The following PHACTR2 variants were observed in gnomAD, a reference collection of about 807,000 sequenced individuals.
The protein encoded by PHACTR2 is chromosome 6 open reading frame 56.
Under a neutral mutation model 76.0 loss-of-function variants are expected in PHACTR2, and 30 were observed. The observed-to-expected ratio is 0.39, with a 90% CI of 0.30 to 0.54. PHACTR2 has a LOEUF of 0.54. Among genes scored for constraint, PHACTR2 ranks in the 20% least tolerant of loss-of-function variants. The probability of loss-of-function intolerance (pLI) is 0.61; values close to 1 mark genes in which losing one functional copy is unlikely to be tolerated. For synonymous variants in PHACTR2, 292 were observed against 292.5 expected (o/e 1.00, Z 0.02); for missense variants, 696 against 781.1 (o/e 0.89, Z 1.30).
rs1421788116 is a variant in PHACTR2 at position 143,547,516 on chromosome 6, C to T, written c.217+10309C>T. On this transcript the variant is annotated intron_variant, in intron 1 of 11. Transcript: ENST00000367584. The surrounding 1 kb of genome is among the most constrained non-coding windows in gnomAD (Gnocchi z 4.2). ...CAAGCAGATCAGTTGGAACTGTTAA[C>T]ACAGTGACTGTGAGATCTAGAAAGT... Among the ~76,000 whole-genome samples the T allele has an allele frequency of 6.6e-6, 1 of 152,158 alleles. No homozygotes were observed. Among genetic ancestry groups the T allele is most frequent in the East Asian group, 1.9e-4 (1 of 5,194 alleles).
At chr6:143,603,811 A>AT (rs1010560655), upstream of PHACTR2, among the ~76,000 whole-genome samples, 1 of 152,088 alleles carries the variant, frequency 6.6e-6, no homozygotes, top group African/African-American at 2.4e-5. Flanking sequence ...TTTAGAAGAG[A>AT]TTTTCAGCTG....
chr6:143,699,581 C>A (rs1241268791), intron 1 of PHACTR2, among the ~76,000 whole-genome samples: 1 of 152,218 alleles, frequency 6.6e-6, no homozygotes, highest in Non-Finnish European at 1.5e-5. Flanking sequence ...GCATTTCTGA[C>A]TGTCCGTTGG....
rs1459919650 is a variant in PHACTR2 at position 143,556,989 on chromosome 6, G to A, written c.217+19782G>A. On this transcript the variant is annotated intron_variant, in intron 1 of 11. Coordinates refer to the PHACTR2 transcript ENST00000367584. The surrounding 1 kb of genome is among the most constrained non-coding windows in gnomAD (Gnocchi z 4.3). ...AAACAAAAATGAGGCCAGAAAGAAAGGGCCTCCCTCCCTAACCCCAGCCTC... is the reference window on the plus strand; with the variant it reads ...AAACAAAAATGAGGCCAGAAAGAAAAGGCCTCCCTCCCTAACCCCAGCCTC... 6.6e-6 allele frequency among the ~76,000 whole-genome samples: 1 copy of A among 152,122 alleles called. No homozygotes were observed. The highest frequency in any genetic ancestry group is 6.5e-5 in the Admixed American group (1 of 15,274).
chr6:143,707,392 T>C (rs1778079100), intron 1 of PHACTR2, among the ~76,000 whole-genome samples: 1 of 152,234 alleles, frequency 6.6e-6, no homozygotes, highest in Non-Finnish European at 1.5e-5. Context: ...GTTGAGACCA[T>C]GTTTTTTGCC....
chr6:143,739,152 C>T lies in PHACTR2; in HGVS notation c.215-9833C>T, dbSNP rs1282888629. On this transcript the variant is annotated intron_variant, in intron 2 of 12. Coordinates refer to ENST00000440869, the MANE Select transcript of PHACTR2 (RefSeq NM_001100164.2). This position sits in a 1 kb window ranked among gnomAD's most constrained non-coding sequence, Gnocchi z 4.3. ...CGGTTTTGGCTCACTGCAAGCTCCG[C>T]CTCCCGGGTTCACTCCGTTCTCCTG... 6.6e-6 allele frequency among the ~76,000 whole-genome samples: 1 copy of T among 152,196 alleles called. No individual in the cohort carries two copies. The highest frequency in any genetic ancestry group is 1.5e-5 in the Non-Finnish European group (1 of 68,034).
rs1433891248 is a variant in PHACTR2, at chr6:143,801,614, G to A, written c.1846-5443G>A. On this transcript the variant is annotated intron_variant, in intron 11 of 12. Transcript: ENST00000440869. The surrounding 1 kb of genome is among the most constrained non-coding windows in gnomAD (Gnocchi z 4.6). ...GCCATTCATCTAACCTTTTTTCAACGTTTTTAGCTTCCTTGAAATGGATTA... is the reference window on the plus strand; with the variant it reads ...GCCATTCATCTAACCTTTTTTCAACATTTTTAGCTTCCTTGAAATGGATTA... Among the ~76,000 whole-genome samples, 2 of 152,000 alleles carry A rather than the reference G, an allele frequency of 1.3e-5. No individual in the cohort carries two copies. The highest frequency in any genetic ancestry group is 2.9e-5 in the Non-Finnish European group (2 of 67,970).
intron 2 of PHACTR2, among the ~76,000 whole-genome samples, chr6:143,747,020 CT>C (rs1280319774): frequency 6.6e-6 from 1 of 152,132 alleles, no homozygotes; most frequent in African/African-American, 2.4e-5. Flanking sequence ...CGTTGTCATT[CT>C]TTTGACCATT....
chr6:143,604,454 A>G (rs1215028322), upstream of PHACTR2, among the ~76,000 whole-genome samples: 8 of 152,164 alleles, frequency 5.3e-5, no homozygotes, highest in African/African-American at 1.9e-4. Flanking sequence ...CTTTTTCTCC[A>G]TAGAATCCAT....
rs1298295183 is a variant in PHACTR2, at chr6:143,730,852, A to T, written c.215-18133A>T. Among the ~76,000 whole-genome samples the T allele has an allele frequency of 6.6e-6, 1 of 152,098 alleles. No individual in the cohort carries two copies. Among genetic ancestry groups the T allele is most frequent in the Non-Finnish European group, 1.5e-5 (1 of 68,020 alleles). Reference sequence around the variant, plus strand: ...AACCTCCGCCTCTTGGGTTCAAGCGATTCTCCTGCTTCAGCCTCCTGAGTA... The same window carrying T: ...AACCTCCGCCTCTTGGGTTCAAGCGTTTCTCCTGCTTCAGCCTCCTGAGTA... On this transcript the variant is annotated intron_variant, in intron 2 of 12. Coordinates refer to ENST00000440869, the MANE Select transcript of PHACTR2 (RefSeq NM_001100164.2). The surrounding 1 kb of genome is among the most constrained non-coding windows in gnomAD (Gnocchi z 4.8).
intron 11 of PHACTR2, among the ~76,000 whole-genome samples, chr6:143,804,685 A>T (rs73778694): frequency 0.011 from 1,650 of 152,350 alleles, 26 homozygotes; most frequent in African/African-American, 0.037. Context: ...GTTGATGCTC[A>T]CAGAATGCTT....
Position 143,776,330 on chromosome 6 carries a change from G to T in PHACTR2, c.1590-998G>T, listed in dbSNP as rs9390135. On this transcript the variant is annotated intron_variant, in intron 8 of 12. Transcript: ENST00000440869. This position sits in a 1 kb window ranked among gnomAD's most constrained non-coding sequence, Gnocchi z 5.3. ...TTATACATGGTTGTATACCTAGAAA[G>T]CTCTAAAAACTGACCCAAAATTGCT... is the stretch of plus-strand genomic sequence containing the variant. Among the ~76,000 whole-genome samples the T allele has an allele frequency of 1.6e-4, 24 of 152,204 alleles. No homozygotes were observed. The East Asian group carries it at 4.0e-3, about 26-fold the overall frequency.
rs749584533 is a variant in PHACTR2, at chr6:143,678,137, G to C, written c.-27G>C. The C allele has an allele frequency of 6.5e-7, 1 of 1,545,796 alleles. No individual in the cohort carries two copies. The highest frequency in any genetic ancestry group is 1.2e-5 in the South Asian group (1 of 83,944). On this transcript the variant is annotated 5_prime_UTR_variant, in exon 1 of 13. Coordinates refer to ENST00000440869, the MANE Select transcript of PHACTR2 (RefSeq NM_001100164.2). The surrounding 1 kb of genome is among the most constrained non-coding windows in gnomAD (Gnocchi z 6.2). Reference sequence around the variant, plus strand: ...GAAGGACCAAAGGAGCCGCTTGATCGCTGGACCTGGCCCTGCGACCCCAGT... The same window carrying C: ...GAAGGACCAAAGGAGCCGCTTGATCCCTGGACCTGGCCCTGCGACCCCAGT...
rs1310340390 is a variant in PHACTR2 at position 143,654,529 on chromosome 6, A to G, written c.13+46207A>G. On this transcript the variant is annotated intron_variant, in intron 1 of 11. Transcript: ENST00000305766. The surrounding 1 kb of genome is among the most constrained non-coding windows in gnomAD (Gnocchi z 4.6). The stretch of plus-strand genomic sequence containing the variant: ...GCCAATTAAAAAAAATAAAGGCTGG[A>G]TACTGTGGCTCACACCTGTAATCTT... 6.6e-6 allele frequency among the ~76,000 whole-genome samples: 1 copy of G among 152,188 alleles called. No homozygotes were observed. Among genetic ancestry groups the G allele is most frequent in the African/African-American group, 2.4e-5 (1 of 41,448 alleles).
chr6:143,586,519 G>A (rs1775631810), intron 1 of PHACTR2, among the ~76,000 whole-genome samples: 1 of 152,228 alleles, frequency 6.6e-6, no homozygotes, highest in African/African-American at 2.4e-5. Context: ...GCAACCCCAA[G>A]GCAGAAGAGA....
rs1777790763 is a variant in PHACTR2, at chr6:143,697,055, T to C, written c.47-14961T>C. ...GTAGTTCTACCTTGTAGTTCCGATA[T>C]ATTTAGTTAATTGAAAGCCTAAAAT... On this transcript the variant is annotated intron_variant, in intron 1 of 12. Coordinates refer to ENST00000440869, the MANE Select transcript of PHACTR2 (RefSeq NM_001100164.2). The surrounding 1 kb of genome is among the most constrained non-coding windows in gnomAD (Gnocchi z 4.4). Among the ~76,000 whole-genome samples, 1 of 152,214 alleles carries C rather than the reference T, an allele frequency of 6.6e-6. No homozygotes were observed. Among genetic ancestry groups the C allele is most frequent in the Non-Finnish European group, 1.5e-5 (1 of 68,038 alleles).
chr6:143,694,093 G>A (rs546093757), intron 1 of PHACTR2, among the ~76,000 whole-genome samples: 22 of 147,426 alleles, frequency 1.5e-4, no homozygotes, highest in African/African-American at 4.0e-4. Context: ...AAGGAAGGAG[G>A]GAAAGAAGGA....
chr6:143,645,542 T>A (rs1776644991), intron 1 of PHACTR2, among the ~76,000 whole-genome samples: 1 of 152,192 alleles, frequency 6.6e-6, no homozygotes, highest in Admixed American at 6.5e-5. Context: ...ATTCCCAAGC[T>A]AAAAGAAAGT....
rs1775828180 is a variant in PHACTR2, at chr6:143,602,975, T to G, written c.217+65768T>G. Reference sequence around the variant, plus strand: ...GCCTGGCCAACATGGCAAAACCCCGTCTCTACTAAAAATACAAAAACTAGC... The same window carrying G: ...GCCTGGCCAACATGGCAAAACCCCGGCTCTACTAAAAATACAAAAACTAGC... On this transcript the variant is annotated intron_variant, in intron 1 of 11. Transcript: ENST00000367584. This position sits in a 1 kb window ranked among gnomAD's most constrained non-coding sequence, Gnocchi z 6.1. Among the ~76,000 whole-genome samples the G allele has an allele frequency of 6.6e-6, 1 of 151,690 alleles. No individual in the cohort carries two copies. Among genetic ancestry groups the G allele is most frequent in the Non-Finnish European group, 1.5e-5 (1 of 67,944 alleles).
chr6:143,804,795 A>G (rs1257921961), intron 11 of PHACTR2, among the ~76,000 whole-genome samples: 14 of 152,238 alleles, frequency 9.2e-5, no homozygotes, highest in Admixed American at 4.6e-4. Context: ...CGGTGGCATT[A>G]TCTTCTTCCA....
Sources: allele counts gnomAD v4.1 joint callset (sites outside exome capture counted in the v4.1 genomes callset), GRCh38; gene constraint gnomAD v4.1.1; non-coding constraint Gnocchi (gnomAD v3.1); transcripts MANE v1.5; gene names NCBI Gene and HGNC (gene_info 2026-07-23, HGNC 2026-07-21).